GPR26: variants seen among roughly 807,000 people sequenced by gnomAD.
The protein encoded by GPR26 is G protein-coupled receptor 26.
GPR26 carries 15 observed loss-of-function variants against 23.1 expected under a neutral mutation model. The ratio of observed to expected loss-of-function variants is 0.65; its 90% CI spans 0.43 to 1.00. GPR26 has a LOEUF of 1.00. GPR26 is among the 50% of genes least tolerant of loss of function. The pLI, the probability that GPR26 is intolerant of heterozygous loss-of-function variation, is 0.00. For missense variants in GPR26, 359 were observed against 470.5 expected, an observed-to-expected ratio of 0.76 and a Z score of 2.19; for synonymous variants, 228 against 222.1, an observed-to-expected ratio of 1.03 and a Z score of -0.24.
chr10:123,687,664 G>A (rs1845442788), intron 2 of GPR26, among the ~76,000 whole-genome samples: 1 of 4,174 alleles, frequency 2.4e-4, no homozygotes, highest in Non-Finnish European at 4.3e-3. Context: ...ATGTAAAACA[G>A]AGATGGTCAT....
chr10:123,682,309 G>A (rs764881501), intron 2 of GPR26, among the ~76,000 whole-genome samples: 2 of 152,214 alleles, frequency 1.3e-5, no homozygotes, highest in Non-Finnish European at 2.9e-5. Context: ...CAGAGCCACT[G>A]GCAGATGCAG....
rs1407810598 is a variant in GPR26, at chr10:123,693,295, G to T, written c.*5135G>T. Reference sequence around the variant, plus strand: ...GGAATCTATCTAATTGTTTTAGTGTGTGAGGCTCATTGTCAGCCTAGATTT... The same window carrying T: ...GGAATCTATCTAATTGTTTTAGTGTTTGAGGCTCATTGTCAGCCTAGATTT... On this transcript the variant is annotated 3_prime_UTR_variant, in exon 3 of 3. Transcript: ENST00000284674. The T allele has an allele frequency of 6.6e-6, 1 of 152,222 alleles. No individual in the cohort carries two copies. The highest frequency in any genetic ancestry group is 1.5e-5 in the Non-Finnish European group (1 of 68,074). The allele number at this position is 152,222 out of a possible 1,614,324, so 9.4% of individuals were successfully genotyped here. A position where few individuals can be genotyped will look rare whatever the true frequency, so the allele number is the denominator to read the frequency against.
chr10:123,675,082 A>C, intron 2 of GPR26, 151 bp downstream of exon 2: 2 of 589,948 alleles, frequency 3.4e-6, no homozygotes, highest in South Asian at 2.0e-5. Flanking sequence ...AGTGAACAGG[A>C]GGCTGCTTGC....
chr10:123,695,649 T>C lies in GPR26; in HGVS notation c.*7489T>C, dbSNP rs771667910. On this transcript the variant is annotated 3_prime_UTR_variant, in exon 3 of 3. Transcript: ENST00000284674. ...AGGACCAGACCATAGTGACTGCTCA[T>C]GCATCGGCTGAAATACCAAACACCC... Among the ~76,000 whole-genome samples, 4 of 152,182 alleles carry C rather than the reference T, an allele frequency of 2.6e-5. No homozygotes were observed. Among genetic ancestry groups the C allele is most frequent in the Non-Finnish European group, 4.4e-5 (3 of 68,050 alleles).
intron 1 of GPR26, among the ~76,000 whole-genome samples, chr10:123,667,279 A>C (rs973315478): frequency 6.6e-6 from 1 of 152,200 alleles, no homozygotes; most frequent in African/African-American, 2.4e-5. Context: ...GGGTGAGCCC[A>C]TCTATACATC....
At chr10:123,684,840 T>A (rs1011270187) in intron 2 of GPR26, among the ~76,000 whole-genome samples, 1 of 152,222 alleles carries the variant, frequency 6.6e-6, no homozygotes, top group Non-Finnish European at 1.5e-5. Context: ...GGGTTAGGAC[T>A]TCAACATGTG....
At position 123,688,556 on chromosome 10, in the gene GPR26, GAC is replaced by G. The variant is rs1589931899; in HGVS notation, c.*398_*399del. ...ACGCTGCTCCATGCTGAAGAAAAGTGACAGTCTCCAGGGGACATTTCAGCCAT... is the reference window on the plus strand; with the variant it reads ...ACGCTGCTCCATGCTGAAGAAAAGTGAGTCTCCAGGGGACATTTCAGCCAT... On this transcript the variant is annotated 3_prime_UTR_variant, in exon 3 of 3. Transcript: ENST00000284674. 1 of 237,098 alleles carries G rather than the reference GAC, an allele frequency of 4.2e-6. No individual in the cohort carries two copies. Among genetic ancestry groups the G allele is most frequent in the East Asian group, 1.0e-4 (1 of 9,536 alleles). 14.7% of individuals were successfully genotyped at this position (237,098 alleles called of 1,614,324 possible). A position where few individuals can be genotyped will look rare whatever the true frequency, so the allele number is the denominator to read the frequency against.
rs770105456 is a variant in GPR26, at chr10:123,688,039, G to A, written c.893G>A (p.Arg298Gln). 8.1e-6 allele frequency: 13 copies of A among 1,613,702 alleles called. No homozygotes were observed. Among genetic ancestry groups the A allele is most frequent in the Middle Eastern group, 1.6e-4 (1 of 6,084 alleles). ...ASDPFVYSLL[R>Q]HQYRKSCKEI... ...GACCCCTTTGTGTACTCCTTACTGC[G>A]ACACCAGTACCGCAAAAGCTGCAAG... The change falls in exon 3 of 3, where the codon CGA (arginine) becomes CAA (glutamine). Residue 298 changes from arginine (R) to glutamine (Q), a missense_variant. Coordinates refer to ENST00000284674, the MANE Select transcript of GPR26 (RefSeq NM_153442.4).
Position 123,696,838 on chromosome 10 carries a change from C to A in GPR26, c.*8678C>A, listed in dbSNP as rs1406995324. On this transcript the variant is annotated 3_prime_UTR_variant, in exon 3 of 3. Coordinates refer to ENST00000284674, the MANE Select transcript of GPR26 (RefSeq NM_153442.4). ...ATGCATATAGGTGAATATTTGTGTG[C>A]CCATGAGCATATGCATATGGGTGAA... 6.6e-6 allele frequency among the ~76,000 whole-genome samples: 1 copy of A among 151,882 alleles called. No individual in the cohort carries two copies. Among genetic ancestry groups the A allele is most frequent in the Non-Finnish European group, 1.5e-5 (1 of 68,002 alleles).
intron 2 of GPR26, among the ~76,000 whole-genome samples, chr10:123,685,334 A>G (rs1845419863): frequency 6.6e-6 from 1 of 152,218 alleles, no homozygotes; most frequent in Non-Finnish European, 1.5e-5. Flanking sequence ...CGTTGTGGCA[A>G]TATCGAAACC....
At chr10:123,684,820 C>G (rs1282501078) in intron 2 of GPR26, among the ~76,000 whole-genome samples, 1 of 152,200 alleles carries the variant, frequency 6.6e-6, no homozygotes, top group Non-Finnish European at 1.5e-5. Context: ...GGATCACATT[C>G]CGACACTAGG....
At chr10:123,671,127 C>T (rs559253635) in intron 1 of GPR26, among the ~76,000 whole-genome samples, 24 of 152,302 alleles carry the variant, frequency 1.6e-4, no homozygotes, top group Admixed American at 3.9e-4. Context: ...ATACTCAGAG[C>T]GTGGGCTCTG....
chr10:123,688,048 A>G lies in GPR26; in HGVS notation c.902A>G (p.Tyr301Cys). The G allele has an allele frequency of 6.2e-7, 1 of 1,613,840 alleles. No homozygotes were observed. Among genetic ancestry groups the G allele is most frequent in the Non-Finnish European group, 8.5e-7 (1 of 1,179,726 alleles). The change falls in exon 3 of 3, where the codon TAC becomes TGC. Residue 301 changes from tyrosine to cysteine, a missense_variant. By Grantham distance (194) the Tyr-to-Cys change is radical (BLOSUM62 -2). Coordinates refer to ENST00000284674, the MANE Select transcript of GPR26 (RefSeq NM_153442.4). Reference protein sequence around the residue: ...PFVYSLLRHQYRKSCKEILNR... With the variant: ...PFVYSLLRHQCRKSCKEILNR... ...GTGTACTCCTTACTGCGACACCAGT[A>G]CCGCAAAAGCTGCAAGGAGATTCTG... is the stretch of plus-strand genomic sequence containing the variant.
intron 2 of GPR26, among the ~76,000 whole-genome samples, chr10:123,683,498 A>G (rs539348918): frequency 6.6e-6 from 1 of 152,356 alleles, no homozygotes; most frequent in East Asian, 1.9e-4. Context: ...TTGTGGAGCA[A>G]GATCAGGACA....
intron 2 of GPR26, among the ~76,000 whole-genome samples, chr10:123,679,810 G>A (rs1845349237): frequency 6.6e-6 from 1 of 151,944 alleles, no homozygotes; most frequent in African/African-American, 2.4e-5. Flanking sequence ...TGCAGAGAGT[G>A]CTCCCAAACC....
chr10:123,669,256 C>T (rs1845223965), intron 1 of GPR26, among the ~76,000 whole-genome samples: 1 of 152,192 alleles, frequency 6.6e-6, no homozygotes. Context: ...ATAGCACTGC[C>T]CCTTTAGTGA....
chr10:123,668,502 T>A (rs1364482879), intron 1 of GPR26, among the ~76,000 whole-genome samples: 2 of 152,208 alleles, frequency 1.3e-5, no homozygotes, highest in Admixed American at 1.3e-4. Flanking sequence ...AAACTGTATA[T>A]GTACCAGACA....
intron 2 of GPR26, among the ~76,000 whole-genome samples, chr10:123,684,146 CG>C (rs1451454138): frequency 6.6e-6 from 1 of 152,140 alleles, no homozygotes; most frequent in East Asian, 1.9e-4. Flanking sequence ...ACGTTTCCCC[CG>C]AATGGAGCCT....
chr10:123,685,076 G>A (rs1234084785), intron 2 of GPR26, among the ~76,000 whole-genome samples: 1 of 152,214 alleles, frequency 6.6e-6, no homozygotes, highest in Non-Finnish European at 1.5e-5. Context: ...AGGGGGAAAG[G>A]CATTAAATAA....
Sources: gnomAD v4.1 joint callset for allele counts (sites outside exome capture counted in the v4.1 genomes callset) on GRCh38, gnomAD v4.1.1 for gene constraint, MANE v1.5 for transcripts, NCBI Gene and HGNC (gene_info 2026-07-23, HGNC 2026-07-21) for gene names.